Variants in GRM7 observed in about 807,000 individuals in gnomAD.
GRM7 encodes the protein metabotropic glutamate receptor 7.
A neutral mutation model predicts 84.5 loss-of-function variants in GRM7; 35 were observed. The observed-to-expected ratio is 0.41, with a 90% CI of 0.32 to 0.55. The LOEUF (loss-of-function observed/expected upper bound fraction) is 0.55, where lower values mean the gene tolerates loss of function less well. GRM7 is among the 20% of genes least tolerant of loss of function. The probability of loss-of-function intolerance (pLI) is 0.19; values close to 1 mark genes in which losing one functional copy is unlikely to be tolerated. For missense variants in GRM7, 1,003 were observed against 1,194.6 expected, an observed-to-expected ratio of 0.84 and a Z score of 2.36; for synonymous variants, 487 against 455.1, an observed-to-expected ratio of 1.07 and a Z score of -0.89.
intron 1 of GRM7, among the ~76,000 whole-genome samples, chr3:7,051,704 C>G (rs1479864709): frequency 6.6e-6 from 1 of 151,708 alleles, no homozygotes; most frequent in African/African-American, 2.4e-5. Context: ...TTTTAGAGAT[C>G]TAAATGAAGT....
intron 8 of GRM7, among the ~76,000 whole-genome samples, chr3:7,579,670 T>C (rs9849547): frequency 0.55 from 84,138 of 151,746 alleles, 23,520 homozygotes; most frequent in Non-Finnish European, 0.57. Flanking sequence ...CATTTATTCC[T>C]CAACTTCTCC....
chr3:7,636,288 G>C lies in GRM7; in HGVS notation c.2452-43761G>C, dbSNP rs1363436621. 4.8e-5 allele frequency: 22 copies of C among 456,494 alleles called. 1 individual carries two copies. The highest frequency in any genetic ancestry group is 1.3e-5 in the Non-Finnish European group (3 of 226,958). 28.3% of individuals were successfully genotyped at this position (456,494 alleles called of 1,614,324 possible). A position where few individuals can be genotyped will look rare whatever the true frequency, so the allele number is the denominator to read the frequency against. ...TTCCCTGAATCATTGTAAGATAATGGAGACGCAGCAATGACTGTTCTTGTT... is the reference window on the plus strand; with the variant it reads ...TTCCCTGAATCATTGTAAGATAATGCAGACGCAGCAATGACTGTTCTTGTT... On this transcript the variant is annotated intron_variant, in intron 8 of 9. Transcript: ENST00000357716.
At chr3:7,213,140 A>G (rs941664147) in intron 2 of GRM7, among the ~76,000 whole-genome samples, 4 of 152,336 alleles carry the variant, frequency 2.6e-5, no homozygotes, top group South Asian at 4.1e-4. Context: ...GCTCAAGGCA[A>G]CAGAGACTGT....
intron 2 of GRM7, among the ~76,000 whole-genome samples, chr3:7,165,414 C>T (rs1694769853): frequency 6.6e-6 from 1 of 152,104 alleles, no homozygotes; most frequent in Non-Finnish European, 1.5e-5. Context: ...TGTTTTATCA[C>T]CTGGTGTCTA....
At chr3:6,981,212 A>G (rs1305187960) in intron 1 of GRM7, among the ~76,000 whole-genome samples, 1 of 152,228 alleles carries the variant, frequency 6.6e-6, no homozygotes, top group African/African-American at 2.4e-5. Context: ...TGTTTGAATC[A>G]TTTATAATTT....
intron 1 of GRM7, among the ~76,000 whole-genome samples, chr3:6,901,941 T>C (rs898196142): frequency 6.6e-6 from 1 of 152,182 alleles, no homozygotes; most frequent in Admixed American, 6.5e-5. Context: ...ATGTTTTTAA[T>C]TTTCTACATG....
At chr3:7,310,227 C>A (rs1312636344) in intron 4 of GRM7, among the ~76,000 whole-genome samples, 5 of 152,146 alleles carry the variant, frequency 3.3e-5, no homozygotes, top group Admixed American at 6.5e-5. Flanking sequence ...ATTTTCAAAA[C>A]TAACTATAAT....
intron 8 of GRM7, among the ~76,000 whole-genome samples, chr3:7,579,802 C>T (rs1195513878): frequency 1.3e-5 from 2 of 152,162 alleles, no homozygotes; most frequent in Non-Finnish European, 2.9e-5. Context: ...AAGTGGCTAC[C>T]TAGGCTATTG....
chr3:7,268,117 C>A (rs1372039694), intron 2 of GRM7, among the ~76,000 whole-genome samples: 1 of 152,052 alleles, frequency 6.6e-6, no homozygotes, highest in Non-Finnish European at 1.5e-5. Context: ...CCGTGACTCC[C>A]ATACAGATAG....
chr3:7,209,890 G>T (rs1199120766), intron 2 of GRM7, among the ~76,000 whole-genome samples: 2 of 152,116 alleles, frequency 1.3e-5, no homozygotes, highest in Non-Finnish European at 2.9e-5. Flanking sequence ...GTCTCGGCAG[G>T]AGAGAGGCCT....
At chr3:7,646,350 C>T (rs1393140043) in intron 8 of GRM7, among the ~76,000 whole-genome samples, 1 of 152,096 alleles carries the variant, frequency 6.6e-6, no homozygotes, top group Non-Finnish European at 1.5e-5. Flanking sequence ...TGCCACCACA[C>T]TCGGCTAATT....
At chr3:7,153,373 A>T (rs1260857285) in intron 2 of GRM7, among the ~76,000 whole-genome samples, 1 of 152,016 alleles carries the variant, frequency 6.6e-6, no homozygotes, top group African/African-American at 2.4e-5. Flanking sequence ...AAACTCTATC[A>T]TGGACTTTGT....
chr3:7,129,697 C>T (rs949747837), intron 1 of GRM7, among the ~76,000 whole-genome samples: 10 of 152,136 alleles, frequency 6.6e-5, no homozygotes, highest in African/African-American at 2.4e-4. Context: ...ATGAACAACA[C>T]TGAGAATGGA....
In GRM7 at chr3:7,328,243, G is replaced by T. The variant is rs567932129; in HGVS notation, c.1033+21591G>T. 2.6e-5 allele frequency among the ~76,000 whole-genome samples: 4 copies of T among 152,292 alleles called. No individual in the cohort carries two copies. In the East Asian group the frequency reaches 7.7e-4, roughly 29 times the overall value. ...TCTAACTCATCGTCATGGCTTTTGT[G>T]TCCTATACCATTTGATTAAAAAGTT... On this transcript the variant is annotated intron_variant, in intron 4 of 9. Coordinates refer to ENST00000357716, the MANE Select transcript of GRM7 (RefSeq NM_000844.4).
At chr3:7,321,315 A>G (rs1279100311) in intron 4 of GRM7, among the ~76,000 whole-genome samples, 1 of 152,106 alleles carries the variant, frequency 6.6e-6, no homozygotes, top group East Asian at 1.9e-4. Flanking sequence ...ACTTCTAACT[A>G]TAAACTTAAG....
chr3:7,117,478 T>C (rs541627785), intron 1 of GRM7, among the ~76,000 whole-genome samples: 20 of 152,164 alleles, frequency 1.3e-4, no homozygotes, highest in Non-Finnish European at 2.4e-4. Context: ...ATCTTTTCCT[T>C]GTAGAACGTG....
intron 1 of GRM7, among the ~76,000 whole-genome samples, chr3:7,083,832 T>C (rs1245676193): frequency 6.6e-6 from 1 of 152,144 alleles, no homozygotes; most frequent in African/African-American, 2.4e-5. Flanking sequence ...GAGGTGTCAC[T>C]TGAGCATGCT....
intron 8 of GRM7, among the ~76,000 whole-genome samples, chr3:7,586,651 T>A (rs961032772): frequency 6.6e-6 from 1 of 152,158 alleles, no homozygotes; most frequent in African/African-American, 2.4e-5. Flanking sequence ...CTACCTAAAA[T>A]ACAAGAATTA....
At chr3:6,922,233 C>T (rs1697152179) in intron 1 of GRM7, among the ~76,000 whole-genome samples, 1 of 152,204 alleles carries the variant, frequency 6.6e-6, no homozygotes, top group Non-Finnish European at 1.5e-5. Flanking sequence ...TACTTTTTCT[C>T]TTGAAGTCTG....
Sources: allele counts gnomAD v4.1 joint callset (sites outside exome capture counted in the v4.1 genomes callset), GRCh38; gene constraint gnomAD v4.1.1; transcripts MANE v1.5; gene names NCBI Gene and HGNC (gene_info 2026-07-23, HGNC 2026-07-21).